LAX1: variants seen among roughly 807,000 people sequenced by gnomAD.
LAX1 encodes the protein lymphocyte transmembrane adaptor 1.
A neutral mutation model predicts 20.7 loss-of-function variants in LAX1; 17 were observed. The observed-to-expected ratio is 0.82, with a 90% CI of 0.56 to 1.23. The LOEUF (loss-of-function observed/expected upper bound fraction) is 1.23. Among genes scored for constraint, LAX1 ranks in the 50% most tolerant of loss-of-function variants. The pLI is 0.00. For synonymous variants in LAX1, 165 were observed against 181.0 expected (o/e 0.91, Z 0.71); for missense variants, 470 against 487.0 (o/e 0.97, Z 0.33).
rs893034580 is a variant in LAX1 at position 203,771,076 on chromosome 1, C to T, written c.199+139C>T. 8.3e-6 allele frequency: 6 copies of T among 722,624 alleles called. No individual in the cohort carries two copies. The African/African-American group carries it at 1.1e-4, about 13-fold the overall frequency. 44.8% of individuals were successfully genotyped at this position (722,624 alleles called of 1,614,324 possible). A position where few individuals can be genotyped will look rare whatever the true frequency, so the allele number is the denominator to read the frequency against. ...TCTTACCCGATACATTGGCCATTGCCTCACTCAAGATCCTGAACTGTGGCT... is the reference window on the plus strand; with the variant it reads ...TCTTACCCGATACATTGGCCATTGCTTCACTCAAGATCCTGAACTGTGGCT... On this transcript the variant is annotated intron_variant, in intron 2 of 4. Coordinates refer to ENST00000442561, the MANE Select transcript of LAX1 (RefSeq NM_017773.4).
Position 203,772,072 on chromosome 1 carries a change from A to G in LAX1, c.315A>G (p.Arg105=), listed in dbSNP as rs769733747. ...ATTTGTTCTCTGTCCTTTCAGGGAG[A>G]CATGAGTCGAGGAGTATGCGCATTT... The part of the protein sequence containing the change: ...ILPWRQEDLG[R]HESRSMRIFS... Residue 105 remains arginine (R), a synonymous_variant, in exon 4 of 5, where the codon AGA becomes AGG. Coordinates refer to ENST00000442561, the MANE Select transcript of LAX1 (RefSeq NM_017773.4). The G allele has an allele frequency of 1.2e-6, 2 of 1,613,326 alleles. No individual in the cohort carries two copies. Among genetic ancestry groups the G allele is most frequent in the East Asian group, 2.2e-5 (1 of 44,882 alleles).
rs146967153 is a variant in LAX1, at chr1:203,774,711, T to G, written c.*30T>G. On this transcript the variant is annotated 3_prime_UTR_variant, in exon 5 of 5. Coordinates refer to ENST00000442561, the MANE Select transcript of LAX1 (RefSeq NM_017773.4). ...CCAGGTACCCAGCCATAAAGCCACA[T>G]TGAGTAGTCTATCCCATAGGATTGA... The G allele has an allele frequency of 1.3e-6, 2 of 1,583,706 alleles. No homozygotes were observed. The highest frequency in any genetic ancestry group is 1.7e-6 in the Non-Finnish European group (2 of 1,158,180).
chr1:203,770,457 GGA>G (rs774028579), intron 1 of LAX1, among the ~76,000 whole-genome samples: 20,932 of 31,214 alleles, frequency 0.67, 8,513 homozygotes, highest in Non-Finnish European at 0.87. Context: ...GAGAGAGAAA[GGA>G]AGGAAGGAAG....
In LAX1 at chr1:203,774,314, G is replaced by T; in HGVS notation, c.830G>T (p.Ser277Ile). 6.2e-7 allele frequency: 1 copy of T among 1,614,216 alleles called. No individual in the cohort carries two copies. Among genetic ancestry groups the T allele is most frequent in the Non-Finnish European group, 8.5e-7 (1 of 1,180,044 alleles). ...GTCAACATGACAGGGTTGGATCTCA[G>T]TGCCATCCAGGAAAGGCAGCTCTGG... ...DYVNMTGLDL[S>I]AIQERQLWVA... is the part of the protein sequence containing the mutation. Residue 277 changes from serine to isoleucine, a missense_variant, in exon 5 of 5, where the codon AGT (serine) becomes ATT (isoleucine). Ser to Ile is a moderately radical substitution (Grantham distance 142). Transcript: ENST00000442561.
intron 1 of LAX1, among the ~76,000 whole-genome samples, chr1:203,767,325 G>A (rs1404968038): frequency 4.7e-5 from 1 of 21,164 alleles, no homozygotes; most frequent in Non-Finnish European, 8.2e-5. Context: ...TTTTTTTTTT[G>A]AGACAAAGTT....
Position 203,772,195 on chromosome 1 carries a change from C to T in LAX1, c.390+48C>T, listed in dbSNP as rs188286930. The T allele has an allele frequency of 5.6e-6, 8 of 1,421,912 alleles. No individual in the cohort carries two copies. In the African/African-American group the frequency reaches 9.8e-5, roughly 17 times the overall value. The allele number at this position is 1,421,912 out of a possible 1,614,324, so 88.1% of individuals were successfully genotyped here. On this transcript the variant is annotated intron_variant, in intron 4 of 4. Coordinates refer to ENST00000442561, the MANE Select transcript of LAX1 (RefSeq NM_017773.4). ...GAATGACATGTCTCTGGCAGAAGAA[C>T]TGCGGGGAAAGAGTTATAGGGCTTA...
chr1:203,770,433 A>AGAGAGAGAGAG lies in LAX1; in HGVS notation c.90-395_90-394insGAGAGAGAGAG, dbSNP rs1553254324. On this transcript the variant is annotated intron_variant, in intron 1 of 4. Transcript: ENST00000442561. ...TCCATCAAAAAGAAAGAAAGAAAGA[A>AGAGAGAGAGAG]AGAGAGAGAGAGAGAGAGAGAAAGG... Among the ~76,000 whole-genome samples, 10 of 44,856 alleles carry AGAGAGAGAGAG rather than the reference A, an allele frequency of 2.2e-4. 2 individuals are homozygous for AGAGAGAGAGAG. Among genetic ancestry groups the AGAGAGAGAGAG allele is most frequent in the African/African-American group, 4.9e-4 (8 of 16,462 alleles). The allele number at this position is 44,856 out of a possible 152,430, so 29.4% of individuals were successfully genotyped here.
chr1:203,765,481 A>T lies in LAX1; in HGVS notation c.-85A>T, dbSNP rs1226786414. On this transcript the variant is annotated 5_prime_UTR_variant, in exon 1 of 5. It adds an upstream start codon to the 5' untranslated region. Transcript: ENST00000442561. The stretch of plus-strand genomic sequence containing the variant: ...GGAGTTTGTTGCGGGGGTGGGGAGA[A>T]GTGGTAGACATGCTGGCTAACTGAT... The T allele has an allele frequency of 8.8e-6, 14 of 1,583,560 alleles. No homozygotes were observed. In the African/African-American group the frequency reaches 1.7e-4, roughly 20 times the overall value.
Position 203,776,141 on chromosome 1 carries a change from C to T in LAX1, c.*1460C>T, listed in dbSNP as rs1667507750. ...ACTGTCCTGGACAACATGGTGAAAC[C>T]CTGTCTCTACTGTCTCTAACATTTG... On this transcript the variant is annotated 3_prime_UTR_variant, in exon 5 of 5. Coordinates refer to ENST00000442561, the MANE Select transcript of LAX1 (RefSeq NM_017773.4). The T allele has an allele frequency of 6.6e-6, 1 of 152,172 alleles. No individual in the cohort carries two copies. Among genetic ancestry groups the T allele is most frequent in the Admixed American group, 6.6e-5 (1 of 15,264 alleles). 9.4% of individuals were successfully genotyped at this position (152,172 alleles called of 1,614,324 possible). A position where few individuals can be genotyped will look rare whatever the true frequency, so the allele number is the denominator to read the frequency against.
At chr1:203,771,613 G>A (rs1667423478) in intron 3 of LAX1, 136 bp downstream of exon 3, 2 of 685,762 alleles carry the variant, frequency 2.9e-6, no homozygotes, top group East Asian at 5.2e-5. Context: ...GGGAGAATGG[G>A]ATAGATAGAC....
intron 1 of LAX1, 134 bp from the exon 2 acceptor site, chr1:203,770,694 C>T: frequency 7.3e-6 from 5 of 687,054 alleles, no homozygotes; most frequent in Non-Finnish European, 1.3e-5. Flanking sequence ...CCCTCTCTTC[C>T]ACCACACCCC....
Position 203,765,610 on chromosome 1 carries a change from C to T in LAX1, c.45C>T (p.Thr15=). ...TPTLSTIRGR[T]LESSTLHVTP... ...CCCTTTCGACAATCAGAGGGAGGAC[C>T]TTGGAGTCCAGCACTCTGCATGTGA... The change falls in exon 1 of 5, where the codon ACC becomes ACT. Residue 15 remains threonine (T), a synonymous_variant. Transcript: ENST00000442561. 4 of 1,614,148 alleles carry T rather than the reference C, an allele frequency of 2.5e-6. No homozygotes were observed. The highest frequency in any genetic ancestry group is 3.4e-6 in the Non-Finnish European group (4 of 1,180,024).
intron 1 of LAX1, among the ~76,000 whole-genome samples, chr1:203,767,324 T>TTTTTTTTTTTTTTTTTTTA (rs1667321985): frequency 1.4e-5 from 2 of 144,284 alleles, no homozygotes; most frequent in Non-Finnish European, 1.5e-5. Context: ...TTTTTTTTTT[T>TTTTTTTTTTTTTTTTTTTA]GAGACAAAGT....
intron 4 of LAX1, among the ~76,000 whole-genome samples, chr1:203,772,896 A>C (rs1005889657): frequency 2.0e-5 from 3 of 148,686 alleles, no homozygotes; most frequent in Non-Finnish European, 4.5e-5. Context: ...GGCTGGTCTC[A>C]AACACCTGAG....
chr1:203,765,382 A>G lies in LAX1; in HGVS notation c.-184A>G, dbSNP rs751028544. The G allele has an allele frequency of 1.4e-4, 214 of 1,551,686 alleles. No individual in the cohort carries two copies. The highest frequency in any genetic ancestry group is 1.8e-4 in the Admixed American group (9 of 50,976). On this transcript the variant is annotated 5_prime_UTR_variant, in exon 1 of 5. Coordinates refer to ENST00000442561, the MANE Select transcript of LAX1 (RefSeq NM_017773.4). ...CCTGCAGTGGGCATTAGCCACGTCC[A>G]GGTAGAACCAAACCTGTTGCTTTTG...
rs1224929073 is a variant in LAX1, at chr1:203,769,406, A to AAAGAAAG, written c.90-1419_90-1413dup. Among the ~76,000 whole-genome samples the AAAGAAAG allele has an allele frequency of 6.4e-5, 5 of 78,488 alleles. No homozygotes were observed. The Admixed American group carries it at 6.5e-4, about 10-fold the overall frequency. The allele number at this position is 78,488 out of a possible 152,430, so 51.5% of individuals were successfully genotyped here. On this transcript the variant is annotated intron_variant, in intron 1 of 4. Coordinates refer to ENST00000442561, the MANE Select transcript of LAX1 (RefSeq NM_017773.4). ...GACTCTGTCTCAAAAAAAAAGAAAGAAAGAAAGAAAGAAAGAAAGAAAGAA... is the reference window on the plus strand; with the variant it reads ...GACTCTGTCTCAAAAAAAAAGAAAGAAAGAAAGAAGAAAGAAAGAAAGAAAGAAAGAA...
At position 203,773,915 on chromosome 1, in the gene LAX1, A is replaced by ACATCCATG; in HGVS notation, c.433_440dup (p.Thr148SerfsTer62). ...AATGCCTTCCAGGAGCATACAGCCC[A>ACATCCATG]CATCCATGCCACAGAGTACGCGGTG... On this transcript the variant is annotated frameshift_variant, in exon 5 of 5. Coordinates refer to ENST00000442561, the MANE Select transcript of LAX1 (RefSeq NM_017773.4). LOFTEE classifies it low-confidence loss of function (END_TRUNC). The ACATCCATG allele has an allele frequency of 6.2e-7, 1 of 1,613,834 alleles. No homozygotes were observed. The highest frequency in any genetic ancestry group is 8.5e-7 in the Non-Finnish European group (1 of 1,179,952).
intron 4 of LAX1, among the ~76,000 whole-genome samples, chr1:203,772,663 T>C (rs1412106100): frequency 6.6e-6 from 1 of 151,916 alleles, no homozygotes; most frequent in Non-Finnish European, 1.5e-5. Context: ...CTTGACCTTT[T>C]CATCCACCCG....
intron 1 of LAX1, among the ~76,000 whole-genome samples, chr1:203,766,713 C>T (rs1299824957): frequency 2.6e-5 from 4 of 152,126 alleles, no homozygotes; most frequent in African/African-American, 4.8e-5. Context: ...ACAATAGCTA[C>T]ATTAAACTAA....
Sources: gnomAD v4.1 joint callset for allele counts (sites outside exome capture counted in the v4.1 genomes callset) on GRCh38, gnomAD v4.1.1 for gene constraint, MANE v1.5 for transcripts, NCBI Gene and HGNC (gene_info 2026-07-23, HGNC 2026-07-21) for gene names.